Variants in CTNND1 observed in about 807,000 individuals in gnomAD.
CTNND1 encodes catenin delta 1.
In CTNND1, 16 loss-of-function variants were observed where a neutral mutation model predicts 112.1. The observed-to-expected ratio is 0.14, with a 90% confidence interval of 0.10 to 0.22. The LOEUF is 0.22. CTNND1 is among the 10% of genes least tolerant of loss of function. The pLI, the probability that CTNND1 is intolerant of heterozygous loss-of-function variation, is 1.00. For missense variants in CTNND1, 1,008 were observed against 1,257.0 expected (o/e 0.80, Z 3.00); for synonymous variants, 420 against 446.5 (o/e 0.94, Z 0.75).
At chr11:57,787,575 C>T (rs983131899) in intron 1 of CTNND1, among the ~76,000 whole-genome samples, 1 of 152,064 alleles carries the variant, frequency 6.6e-6, no homozygotes, top group Non-Finnish European at 1.5e-5. Context: ...TCTTTTTCCC[C>T]AATTTGGTTC....
intron 1 of CTNND1, among the ~76,000 whole-genome samples, chr11:57,777,796 T>C (rs889965419): frequency 6.6e-6 from 1 of 152,216 alleles, no homozygotes; most frequent in Non-Finnish European, 1.5e-5. Flanking sequence ...GCTCATTTTA[T>C]GCAAAGGGAA....
intron 2 of CTNND1, among the ~76,000 whole-genome samples, chr11:57,791,130 C>G (rs2060694037): frequency 6.6e-6 from 1 of 152,168 alleles, no homozygotes; most frequent in Non-Finnish European, 1.5e-5. Flanking sequence ...TCTCCCTCTC[C>G]TAACAGTGTA....
At position 57,762,042 on chromosome 11, in the gene CTNND1, T is replaced by A; in HGVS notation, c.-291T>A. ...AGGACTGATTTTTAGAACTCCACATTTGAGGTGTGTGGCTTTTGAAGAAAA... is the reference window on the plus strand; with the variant it reads ...AGGACTGATTTTTAGAACTCCACATATGAGGTGTGTGGCTTTTGAAGAAAA... On this transcript the variant is annotated 5_prime_UTR_variant, in exon 1 of 21. In the 5' UTR this introduces an upstream ATG that the reference lacks. Transcript: ENST00000399050. The A allele has an allele frequency of 1.0e-6, 1 of 985,422 alleles. No individual in the cohort carries two copies. The highest frequency in any genetic ancestry group is 1.7e-5 in the African/African-American group (1 of 57,364). The allele number at this position is 985,422 out of a possible 1,614,324, so 61.0% of individuals were successfully genotyped here. A position where few individuals can be genotyped will look rare whatever the true frequency, so the allele number is the denominator to read the frequency against.
In CTNND1 at chr11:57,817,831, G is replaced by A. The variant is rs753895296; in HGVS notation, c.*1523G>A. 5 of 152,348 alleles carry A rather than the reference G, an allele frequency of 3.3e-5. No homozygotes were observed. The highest frequency in any genetic ancestry group is 7.4e-5 in the Non-Finnish European group (5 of 67,972). The allele number at this position is 152,348 out of a possible 1,614,324, so 9.4% of individuals were successfully genotyped here. On this transcript the variant is annotated 3_prime_UTR_variant, in exon 21 of 21. Transcript: ENST00000399050. ...GGGCTAGAGAAATCAGCTGCTATGCGGGTTGATTATTATTATTATTTCTAA... is the reference window on the plus strand; with the variant it reads ...GGGCTAGAGAAATCAGCTGCTATGCAGGTTGATTATTATTATTATTTCTAA...
In CTNND1 at chr11:57,816,409, A is replaced by C; in HGVS notation, c.*101A>C. 6.7e-7 allele frequency: 1 copy of C among 1,482,842 alleles called. No homozygotes were observed. The highest frequency in any genetic ancestry group is 9.4e-7 in the Non-Finnish European group (1 of 1,066,504). The allele number at this position is 1,482,842 out of a possible 1,614,324, so 91.9% of individuals were successfully genotyped here. ...TTTTCTTCGCTGGACTATTGTGCCA[A>C]CTGCCAGGCTGCCTCCTGCCCTTAC... On this transcript the variant is annotated 3_prime_UTR_variant, in exon 21 of 21. Coordinates refer to ENST00000399050, the MANE Select transcript of CTNND1 (RefSeq NM_001085458.2).
In CTNND1 at chr11:57,775,255, G is replaced by C. The variant is rs573654618; in HGVS notation, c.-214+13136G>C. Among the ~76,000 whole-genome samples, 13 of 151,126 alleles carry C rather than the reference G, an allele frequency of 8.6e-5. No individual in the cohort carries two copies. In the South Asian group the frequency reaches 1.9e-3, roughly 22 times the overall value. On this transcript the variant is annotated intron_variant, in intron 1 of 20. Coordinates refer to ENST00000399050, the MANE Select transcript of CTNND1 (RefSeq NM_001085458.2). ...ACGGTGGCCTGTGCCTTTGGTCTCA[G>C]CTACTTAGGAAGCTAAGGAGAGACT...
intron 4 of CTNND1, 105 bp from the exon 5 acceptor site, chr11:57,795,472 T>C: frequency 7.9e-7 from 1 of 1,257,940 alleles, no homozygotes; most frequent in Non-Finnish European, 1.1e-6. Context: ...AGAAGATGCA[T>C]GAGGAGTCCC....
Position 57,783,297 on chromosome 11 carries a change from C to CA in CTNND1, c.-213-5731dup, listed in dbSNP as rs199744337. On this transcript the variant is annotated intron_variant, in intron 1 of 20. Transcript: ENST00000399050. Reference sequence around the variant, plus strand: ...TCCATCTCAAAAACAAACAAACAAACAAAAAAAAACGTGGAACATCAAGTG... The same window carrying CA: ...TCCATCTCAAAAACAAACAAACAAACAAAAAAAAAACGTGGAACATCAAGTG... 5.6e-3 allele frequency among the ~76,000 whole-genome samples: 829 copies of CA among 149,344 alleles called. 5 individuals are homozygous for CA. Among genetic ancestry groups the CA allele is most frequent in the Non-Finnish European group, 8.4e-3 (561 of 67,174 alleles).
At chr11:57,816,156 A>G in intron 20 of CTNND1, 141 bp from the exon 21 acceptor site, 1 of 1,200,360 alleles carries the variant, frequency 8.3e-7, no homozygotes, top group Non-Finnish European at 1.2e-6. Flanking sequence ...ATTACCTCTT[A>G]CGAGTCTGGG....
At position 57,789,015 on chromosome 11, in the gene CTNND1, T is replaced by C. The variant is rs1591402249; in HGVS notation, c.-213-22T>C. On this transcript the variant is annotated intron_variant, in intron 1 of 20. Coordinates refer to ENST00000399050, the MANE Select transcript of CTNND1 (RefSeq NM_001085458.2). ...ATTTTATTTTCCTCTCATTCCCATT[T>C]TTCCTTCAAATATTTCTGCAGCTCT... is the stretch of plus-strand genomic sequence containing the variant. The C allele has an allele frequency of 4.7e-6, 7 of 1,500,312 alleles. No individual in the cohort carries two copies. The East Asian group carries it at 1.7e-4, about 37-fold the overall frequency. The allele number at this position is 1,500,312 out of a possible 1,614,324, so 92.9% of individuals were successfully genotyped here.
chr11:57,769,204 A>G (rs576155227), intron 1 of CTNND1, among the ~76,000 whole-genome samples: 3 of 151,580 alleles, frequency 2.0e-5, no homozygotes, highest in East Asian at 1.9e-4. Context: ...AATCTGAGCT[A>G]CTCGGGAGGC....
chr11:57,811,700 A>G (rs907512858), intron 17 of CTNND1, among the ~76,000 whole-genome samples: 4 of 151,850 alleles, frequency 2.6e-5, no homozygotes, highest in African/African-American at 9.7e-5. Flanking sequence ...TGATTCCTTT[A>G]TCATTGCTTG....
intron 11 of CTNND1, 61 bp downstream of exon 11, chr11:57,806,539 C>T: frequency 6.9e-7 from 1 of 1,446,138 alleles, no homozygotes; most frequent in Non-Finnish European, 9.6e-7. Flanking sequence ...ATTTTAGCTT[C>T]CCTAGTATGT....
At position 57,795,715 on chromosome 11, in the gene CTNND1, C is replaced by T. The variant is rs774901816; in HGVS notation, c.406C>T (p.Arg136Cys). 14 of 1,597,520 alleles carry T rather than the reference C, an allele frequency of 8.8e-6. No individual in the cohort carries two copies. The highest frequency in any genetic ancestry group is 1.7e-4 in the Middle Eastern group (1 of 5,976). The change falls in exon 5 of 21, where the codon CGC (arginine) becomes TGC (cysteine). Residue 136 changes from arginine (R) to cysteine (C), a missense_variant. Around this residue, in one of 5 missense-constraint regions of CTNND1, gnomAD observed 404 missense variants for 457.9 expected, o/e 0.88. Transcript: ENST00000399050. ...GACCTCAGATGATGGGACCACTCGG[C>T]GCACAGAGACCACGGTAAACTAAGA... ...VETSDDGTTR[R>C]TETTVKKVVK...
At position 57,789,078 on chromosome 11, in the gene CTNND1, G is replaced by A; in HGVS notation, c.-172G>A. 6.5e-7 allele frequency: 1 copy of A among 1,535,696 alleles called. No individual in the cohort carries two copies. Among genetic ancestry groups the A allele is most frequent in the Non-Finnish European group, 8.7e-7 (1 of 1,146,900 alleles). On this transcript the variant is annotated 5_prime_UTR_variant, in exon 2 of 21. It removes an upstream start codon present in the reference 5' UTR. Coordinates refer to ENST00000399050, the MANE Select transcript of CTNND1 (RefSeq NM_001085458.2). ...TCCTCCTTGCTGTGGTGGCTGGGATGCTTCTTCCATGATTTTTTGAATCTA... is the reference window on the plus strand; with the variant it reads ...TCCTCCTTGCTGTGGTGGCTGGGATACTTCTTCCATGATTTTTTGAATCTA...
At chr11:57,772,871 C>T (rs539725818) in intron 1 of CTNND1, among the ~76,000 whole-genome samples, 4 of 151,840 alleles carry the variant, frequency 2.6e-5, no homozygotes, top group South Asian at 2.1e-4. Flanking sequence ...TTCTCTCACC[C>T]GTCTCCTCCT....
rs150572351 is a variant in CTNND1 at position 57,788,637 on chromosome 11, A to C, written c.-213-400A>C. Reference sequence around the variant, plus strand: ...TTGGTTTCTCAATGTCTTTGTGGGCATGCTGGGACTGGGCTTTGAGGTTTC... The same window carrying C: ...TTGGTTTCTCAATGTCTTTGTGGGCCTGCTGGGACTGGGCTTTGAGGTTTC... On this transcript the variant is annotated intron_variant, in intron 1 of 20. Coordinates refer to ENST00000399050, the MANE Select transcript of CTNND1 (RefSeq NM_001085458.2). The surrounding 1 kb of genome is among the most constrained non-coding windows in gnomAD (Gnocchi z 4.1). Among the ~76,000 whole-genome samples, 2 of 145,566 alleles carry C rather than the reference A, an allele frequency of 1.4e-5. No individual in the cohort carries two copies. Among genetic ancestry groups the C allele is most frequent in the African/African-American group, 4.9e-5 (2 of 40,450 alleles).
intron 4 of CTNND1, among the ~76,000 whole-genome samples, chr11:57,795,175 T>C (rs1591486461): frequency 6.6e-6 from 1 of 152,190 alleles, no homozygotes; most frequent in East Asian, 1.9e-4. Context: ...GCTTGGGTGA[T>C]AGAGTGAGAC....
In CTNND1 at chr11:57,806,953, G is replaced by A. The variant is rs1398112748; in HGVS notation, c.1933G>A (p.Asp645Asn). The A allele has an allele frequency of 4.4e-6, 7 of 1,601,876 alleles. No individual in the cohort carries two copies. The Admixed American group carries it at 1.0e-4, about 24-fold the overall frequency. Residue 645 changes from aspartate to asparagine, a missense_variant, in exon 12 of 21, where the codon GAT (aspartate) becomes AAT (asparagine). Around this residue, in one of 5 missense-constraint regions of CTNND1, gnomAD observed 254 missense variants for 279.5 expected, o/e 0.91. Coordinates refer to ENST00000399050, the MANE Select transcript of CTNND1 (RefSeq NM_001085458.2). ...AGAGGATCCAGCAAACGATACAGTG[G>A]ATTTCCCTAAAAGAACGAGTCCAGC... ...PIEDPANDTV[D>N]FPKRTSPARG...
Sources: allele counts gnomAD v4.1 joint callset (sites outside exome capture counted in the v4.1 genomes callset), GRCh38; gene constraint gnomAD v4.1.1; regional missense constraint gnomAD v4.1.1; non-coding constraint Gnocchi (gnomAD v3.1); transcripts MANE v1.5; gene names NCBI Gene and HGNC (gene_info 2026-07-23, HGNC 2026-07-21).